ATF6: variants seen among roughly 807,000 people sequenced by gnomAD.
The protein encoded by ATF6 is activating transcription factor 6, also known as cyclic AMP-dependent transcription factor ATF-6 alpha.
In ATF6, 53 loss-of-function variants were observed where a neutral mutation model predicts 83.6. The observed-to-expected ratio is 0.63, with a 90% CI of 0.51 to 0.80. ATF6 has a LOEUF of 0.80. Ranked by LOEUF, ATF6 falls within the 30% of genes least tolerant of loss-of-function variation. The pLI is 0.00. For missense variants in ATF6, 744 were observed against 797.9 expected (o/e 0.93, Z 0.81); for synonymous variants, 288 against 285.8 (o/e 1.01, Z -0.08).
At chr1:161,923,231 T>A (rs535143898) in intron 15 of ATF6, among the ~76,000 whole-genome samples, 6 of 152,310 alleles carry the variant, frequency 3.9e-5, no homozygotes, top group South Asian at 2.1e-4. Flanking sequence ...GTTTTTTTTT[T>A]ATTTAACTGT....
chr1:161,853,180 T>A, intron 11 of ATF6, 44 bp from the exon 12 acceptor site: 1 of 1,312,256 alleles, frequency 7.6e-7, no homozygotes. Context: ...CATTTCTATG[T>A]TTAATTAATT....
chr1:161,895,623 TG>T (rs1230424534), intron 14 of ATF6, among the ~76,000 whole-genome samples: 20 of 152,238 alleles, frequency 1.3e-4, no homozygotes, highest in African/African-American at 4.8e-4. Flanking sequence ...ATCAAGTAGC[TG>T]GGAGGAAATG....
At chr1:161,812,635 A>T (rs1034187613) in intron 7 of ATF6, among the ~76,000 whole-genome samples, 2 of 150,970 alleles carry the variant, frequency 1.3e-5, no homozygotes, top group Non-Finnish European at 3.0e-5. Flanking sequence ...CTCGTGATCC[A>T]CCCGCCTCGG....
chr1:161,821,213 C>T, intron 9 of ATF6, 52 bp downstream of exon 9: 1 of 1,249,542 alleles, frequency 8.0e-7, no homozygotes, highest in Non-Finnish European at 1.1e-6. Context: ...CTTAAATTCT[C>T]ATTATTCTTT....
At chr1:161,827,086 TATG>T (rs1685922078) in intron 9 of ATF6, among the ~76,000 whole-genome samples, 1 of 151,942 alleles carries the variant, frequency 6.6e-6, no homozygotes. Flanking sequence ...CACCTGCCAC[TATG>T]CCCAGCTAAT....
chr1:161,852,559 T>C (rs76216733), intron 11 of ATF6, among the ~76,000 whole-genome samples: 1 of 152,168 alleles, frequency 6.6e-6, no homozygotes, highest in Non-Finnish European at 1.5e-5. Context: ...CTCAAATGTT[T>C]GTGTTTATAT....
chr1:161,876,755 T>C (rs867539956), intron 14 of ATF6, among the ~76,000 whole-genome samples: 1 of 152,056 alleles, frequency 6.6e-6, no homozygotes, highest in Non-Finnish European at 1.5e-5. Context: ...CTTTGCTAGA[T>C]TCCACCTTTC....
At chr1:161,786,282 G>A (rs905857690) in intron 4 of ATF6, among the ~76,000 whole-genome samples, 4 of 152,040 alleles carry the variant, frequency 2.6e-5, no homozygotes, top group South Asian at 4.2e-4. Context: ...CACTGCGCCC[G>A]GCCGTTCATT....
chr1:161,926,810 C>G (rs1311932599), intron 15 of ATF6, among the ~76,000 whole-genome samples: 3 of 152,062 alleles, frequency 2.0e-5, no homozygotes, highest in Non-Finnish European at 4.4e-5. Flanking sequence ...GAACACTCCA[C>G]CTAGAAACTA....
intron 9 of ATF6, among the ~76,000 whole-genome samples, chr1:161,825,787 A>G (rs1470726569): frequency 2.0e-5 from 3 of 152,086 alleles, no homozygotes; most frequent in African/African-American, 4.8e-5. Context: ...ACCATTGGCC[A>G]TTGGTGATTG....
At chr1:161,919,748 G>A (rs575782693) in intron 15 of ATF6, among the ~76,000 whole-genome samples, 43 of 152,282 alleles carry the variant, frequency 2.8e-4, no homozygotes, top group East Asian at 7.7e-4. Context: ...AAGGGCCCAC[G>A]TAGATGAACA....
chr1:161,812,431 C>T (rs1276772590), intron 7 of ATF6, among the ~76,000 whole-genome samples: 6 of 110,554 alleles, frequency 5.4e-5, no homozygotes, highest in African/African-American at 1.1e-4. Flanking sequence ...CTCGCTCTGT[C>T]GCCCAGGCTG....
intron 12 of ATF6, 57 bp downstream of exon 12, chr1:161,853,380 C>T: frequency 4.4e-6 from 6 of 1,355,230 alleles, no homozygotes; most frequent in Non-Finnish European, 5.2e-6. Context: ...AGGCTTCTCC[C>T]AGCTGGGTTA....
chr1:161,819,229 T>G (rs1239830626), intron 7 of ATF6, among the ~76,000 whole-genome samples: 1 of 152,188 alleles, frequency 6.6e-6, no homozygotes, highest in African/African-American at 2.4e-5. Flanking sequence ...TTTGAAGTGG[T>G]AATAACTGTA....
Position 161,802,549 on chromosome 1 carries a change from C to T in ATF6, c.909+277C>T, listed in dbSNP as rs1214483209. Among the ~76,000 whole-genome samples, 5 of 152,270 alleles carry T rather than the reference C, an allele frequency of 3.3e-5. No individual in the cohort carries two copies. In the South Asian group the frequency reaches 1.0e-3, roughly 32 times the overall value. ...TTCTTTACTCCTTCTTTAGAACCAA[C>T]CCTCTTATTATTCTCTTCAAGCCCT... On this transcript the variant is annotated intron_variant, in intron 7 of 15. Transcript: ENST00000367942.
intron 12 of ATF6, 54 bp downstream of exon 12, chr1:161,853,377 T>C (rs1686683829): frequency 7.1e-7 from 1 of 1,401,896 alleles, no homozygotes; most frequent in East Asian, 2.4e-5. Flanking sequence ...GGAAGGCTTC[T>C]CCCAGCTGGG....
intron 12 of ATF6, among the ~76,000 whole-genome samples, chr1:161,858,425 T>C (rs2101833847): frequency 6.6e-6 from 1 of 151,870 alleles, no homozygotes; most frequent in African/African-American, 2.4e-5. Context: ...AAAATAAAGG[T>C]GAAAAAGGAT....
intron 7 of ATF6, among the ~76,000 whole-genome samples, chr1:161,810,822 G>T (rs1386517250): frequency 6.6e-6 from 1 of 151,960 alleles, no homozygotes; most frequent in Non-Finnish European, 1.5e-5. Flanking sequence ...TCTGTGTGGA[G>T]TTGTCCCAGA....
chr1:161,824,073 C>A (rs1018435007), intron 9 of ATF6, among the ~76,000 whole-genome samples: 1 of 152,162 alleles, frequency 6.6e-6, no homozygotes. Flanking sequence ...CGTTTACATT[C>A]CCACTAGCAG....
Sources: allele counts gnomAD v4.1 joint callset (sites outside exome capture counted in the v4.1 genomes callset), GRCh38; gene constraint gnomAD v4.1.1; transcripts MANE v1.5; gene names NCBI Gene and HGNC (gene_info 2026-07-23, HGNC 2026-07-21).